The following CSMD1 variants were observed in gnomAD, a reference collection of about 807,000 sequenced individuals.
CSMD1 encodes CUB and sushi domain-containing protein 1.
In CSMD1, 213 loss-of-function variants were observed where a neutral mutation model predicts 417.5. The observed-to-expected ratio is 0.51, with a 90% CI of 0.46 to 0.57. CSMD1 has a LOEUF of 0.57. Among genes scored for constraint, CSMD1 ranks in the 20% least tolerant of loss-of-function variants. CSMD1 has a pLI of 0.00. For missense variants in CSMD1, 6,923 were observed against 4,529.7 expected, an observed-to-expected ratio of 1.53 and a Z score of -15.17; for synonymous variants, 2,862 against 1,736.8, an observed-to-expected ratio of 1.65 and a Z score of -16.11.
At chr8:3,869,382 T>C (rs940758018) in intron 5 of CSMD1, among the ~76,000 whole-genome samples, 3 of 152,208 alleles carry the variant, frequency 2.0e-5, no homozygotes, top group Admixed American at 6.5e-5. Flanking sequence ...TAGAGACTGA[T>C]AGGTCTATGA....
chr8:4,050,941 A>G (rs1798393064), intron 3 of CSMD1, among the ~76,000 whole-genome samples: 1 of 152,118 alleles, frequency 6.6e-6, no homozygotes, highest in Admixed American at 6.6e-5. Context: ...CCCATCCATG[A>G]TAAGGTCTCA....
Position 4,224,594 on chromosome 8 carries a change from C to A in CSMD1, c.416-192495G>T, listed in dbSNP as rs922451421. The stretch of plus-strand genomic sequence containing the variant: ...CTTCAGTGGTGCCTCCGGAGTTCCA[C>A]CACTTTGCAAAGGTTATGACTTCAG... On this transcript the variant is annotated intron_variant, in intron 3 of 69. Transcript: ENST00000635120. 4.6e-5 allele frequency among the ~76,000 whole-genome samples: 7 copies of A among 152,250 alleles called. No individual in the cohort carries two copies. In the East Asian group the frequency reaches 7.7e-4, roughly 17 times the overall value.
At chr8:4,132,515 T>C (rs1024082485) in intron 3 of CSMD1, among the ~76,000 whole-genome samples, 51 of 152,172 alleles carry the variant, frequency 3.4e-4, no homozygotes, top group Admixed American at 3.3e-3. Context: ...GGCATTCCCC[T>C]GTTTCTGGGT....
intron 3 of CSMD1, among the ~76,000 whole-genome samples, chr8:4,294,906 G>C (rs79491059): frequency 7.9e-5 from 12 of 151,620 alleles, no homozygotes; most frequent in African/African-American, 2.9e-4. Flanking sequence ...TGGAACGAAA[G>C]CCTCAGGTAA....
intron 1 of CSMD1, among the ~76,000 whole-genome samples, chr8:4,893,629 G>T (rs1204942304): frequency 6.6e-6 from 1 of 152,070 alleles, no homozygotes; most frequent in Non-Finnish European, 1.5e-5. Flanking sequence ...ATGCTAATTT[G>T]CCAATACATT....
intron 5 of CSMD1, among the ~76,000 whole-genome samples, chr8:3,943,787 G>C (rs776956494): frequency 1.3e-5 from 2 of 152,032 alleles, no homozygotes; most frequent in Non-Finnish European, 2.9e-5. Context: ...TTTAGGGACA[G>C]CCTGTAAAAT....
Position 3,187,757 on chromosome 8 carries a change from A to G in CSMD1, c.5620+112T>C, listed in dbSNP as rs1585597031. 33 of 744,178 alleles carry G rather than the reference A, an allele frequency of 4.4e-5. 2 individuals carry two copies. In the South Asian group the frequency reaches 4.8e-4, roughly 11 times the overall value. 46.1% of individuals were successfully genotyped at this position (744,178 alleles called of 1,614,324 possible). On this transcript the variant is annotated intron_variant, in intron 36 of 69. Coordinates refer to ENST00000635120, the MANE Select transcript of CSMD1 (RefSeq NM_033225.6). ...GCACTAGAGCAACCATTATGGAGAT[A>G]GAAGAATTGTGTAGGAAAATTTCTA...
chr8:3,086,294 T>C (rs1023708305), intron 49 of CSMD1, among the ~76,000 whole-genome samples: 4 of 152,122 alleles, frequency 2.6e-5, no homozygotes, highest in South Asian at 4.1e-4. Flanking sequence ...AGGTAAAACA[T>C]AAATAATACA....
At chr8:2,994,374 T>C (rs1806688077) in intron 54 of CSMD1, among the ~76,000 whole-genome samples, 1 of 152,058 alleles carries the variant, frequency 6.6e-6, no homozygotes, top group South Asian at 2.1e-4. Flanking sequence ...GTGGATTCTT[T>C]CCCCACACAC....
At chr8:4,911,598 C>A (rs1331398749) in intron 1 of CSMD1, among the ~76,000 whole-genome samples, 1 of 152,162 alleles carries the variant, frequency 6.6e-6, no homozygotes, top group African/African-American at 2.4e-5. Context: ...CAGAGCTCTC[C>A]TGACAGAAGC....
At chr8:4,422,669 A>G (rs900886280) in intron 2 of CSMD1, among the ~76,000 whole-genome samples, 3 of 152,104 alleles carry the variant, frequency 2.0e-5, no homozygotes, top group African/African-American at 7.2e-5. Context: ...AACTTATAGT[A>G]GTTTGTTATG....
intron 5 of CSMD1, among the ~76,000 whole-genome samples, chr8:3,943,016 T>C (rs547305956): frequency 2.6e-5 from 4 of 152,268 alleles, no homozygotes; most frequent in Non-Finnish European, 4.4e-5. Flanking sequence ...TATTAAGTTT[T>C]ATTTTGTTAC....
chr8:3,455,386 C>T (rs1203932656), intron 12 of CSMD1, among the ~76,000 whole-genome samples: 1 of 152,234 alleles, frequency 6.6e-6, no homozygotes, highest in Non-Finnish European at 1.5e-5. Context: ...AGGAGAGGCA[C>T]TCTGATTTTT....
In CSMD1 at chr8:4,454,090, G is replaced by A. The variant is rs1478212705; in HGVS notation, c.303-34025C>T. ...GCCCGCCTCGGCCTCCCTAAGTGCT[G>A]GGATTACAGGCGTGAGCCACTGTGC... is the stretch of plus-strand genomic sequence containing the variant. On this transcript the variant is annotated intron_variant, in intron 2 of 69. Transcript: ENST00000635120. Among the ~76,000 whole-genome samples, 7 of 152,178 alleles carry A rather than the reference G, an allele frequency of 4.6e-5. No homozygotes were observed. The East Asian group carries it at 7.8e-4, about 17-fold the overall frequency.
intron 3 of CSMD1, among the ~76,000 whole-genome samples, chr8:4,087,047 G>T (rs889015092): frequency 2.6e-5 from 4 of 152,168 alleles, no homozygotes; most frequent in African/African-American, 9.7e-5. Flanking sequence ...CCCAGTGACT[G>T]CCTTGGGCTA....
At chr8:4,958,023 T>C (rs1167632199) in intron 1 of CSMD1, among the ~76,000 whole-genome samples, 1 of 152,162 alleles carries the variant, frequency 6.6e-6, no homozygotes, top group African/African-American at 2.4e-5. Flanking sequence ...AGTCACGACG[T>C]TGAGGAGAAA....
At chr8:4,899,157 CTT>C (rs1271055588) in intron 1 of CSMD1, among the ~76,000 whole-genome samples, 1 of 152,096 alleles carries the variant, frequency 6.6e-6, no homozygotes, top group East Asian at 1.9e-4. Context: ...GAGCTAAAAC[CTT>C]TCTCTCAACT....
chr8:2,991,274 A>G (rs1180859781), intron 54 of CSMD1, among the ~76,000 whole-genome samples: 1 of 152,252 alleles, frequency 6.6e-6, no homozygotes, highest in Non-Finnish European at 1.5e-5. Flanking sequence ...TGATAAATTT[A>G]GAGCTTTTAG....
chr8:4,101,976 T>C (rs1452111932), intron 3 of CSMD1, among the ~76,000 whole-genome samples: 3 of 152,178 alleles, frequency 2.0e-5, no homozygotes, highest in Non-Finnish European at 4.4e-5. Context: ...TTGAATCCCA[T>C]GGTGTTGGGG....
Sources: allele counts gnomAD v4.1 joint callset (sites outside exome capture counted in the v4.1 genomes callset), GRCh38; gene constraint gnomAD v4.1.1; transcripts MANE v1.5; gene names NCBI Gene and HGNC (gene_info 2026-07-23, HGNC 2026-07-21).